Variants in PLD5 observed in about 807,000 individuals in gnomAD.
The protein encoded by PLD5 is inactive phospholipase D5.
Under a neutral mutation model 61.1 loss-of-function variants are expected in PLD5, and 36 were observed. The observed-to-expected ratio is 0.59, with a 90% CI of 0.45 to 0.78. PLD5 has a LOEUF of 0.78. Ranked by LOEUF, PLD5 falls within the 30% of genes least tolerant of loss-of-function variation. PLD5 has a pLI of 0.00. For synonymous variants in PLD5, 243 were observed against 242.8 expected, an observed-to-expected ratio of 1.00 and a Z score of -0.01; for missense variants, 515 against 644.4, an observed-to-expected ratio of 0.80 and a Z score of 2.17.
intron 5 of PLD5, among the ~76,000 whole-genome samples, chr1:242,214,347 G>C (rs1670009589): frequency 6.6e-6 from 1 of 152,106 alleles, no homozygotes. Context: ...TAGTGATTCT[G>C]CTTACTCTGT....
At chr1:242,253,414 C>T (rs867856878) in intron 4 of PLD5, among the ~76,000 whole-genome samples, 13 of 150,066 alleles carry the variant, frequency 8.7e-5, no homozygotes, top group African/African-American at 1.2e-4. Flanking sequence ...CTGGGGTTCA[C>T]GCCATTCTCC....
chr1:242,142,883 T>C (rs1664279107), intron 5 of PLD5, among the ~76,000 whole-genome samples: 1 of 145,442 alleles, frequency 6.9e-6, no homozygotes, highest in Admixed American at 6.8e-5. Context: ...CCCACCACCA[T>C]GTTGGCTGAT....
intron 1 of PLD5, among the ~76,000 whole-genome samples, chr1:242,515,676 C>A (rs1177774745): frequency 3.3e-5 from 5 of 152,306 alleles, no homozygotes; most frequent in Non-Finnish European, 7.3e-5. Context: ...TATGGATAGA[C>A]TACAATACAT....
chr1:242,460,905 C>T (rs561484013), intron 1 of PLD5, among the ~76,000 whole-genome samples: 264 of 151,518 alleles, frequency 1.7e-3, no homozygotes, highest in African/African-American at 6.2e-3. Context: ...TTTGTGAGGC[C>T]AAGGTGAGTG....
intron 1 of PLD5, among the ~76,000 whole-genome samples, chr1:242,382,008 G>A (rs375272833): frequency 1.3e-5 from 2 of 152,074 alleles, no homozygotes; most frequent in Non-Finnish European, 2.9e-5. Context: ...ATTTGTCTTG[G>A]AGTTAGAACT....
chr1:242,454,984 A>T (rs1388861553), intron 1 of PLD5, among the ~76,000 whole-genome samples: 1 of 152,194 alleles, frequency 6.6e-6, no homozygotes, highest in East Asian at 1.9e-4. Context: ...CAATCAGGGT[A>T]TAGTTCTCCA....
At chr1:242,207,810 T>TTATATTTATATATTTATA (rs1558343778) in intron 5 of PLD5, among the ~76,000 whole-genome samples, 1 of 37,564 alleles carries the variant, frequency 2.7e-5, no homozygotes, top group Non-Finnish European at 4.8e-5. Flanking sequence ...TTATATATAT[T>TTATATTTATATATTTATA]TATATTTATA....
intron 1 of PLD5, among the ~76,000 whole-genome samples, chr1:242,444,493 G>A (rs1666415755): frequency 6.6e-6 from 1 of 151,220 alleles, no homozygotes; most frequent in Non-Finnish European, 1.5e-5. Context: ...TATCTAATTT[G>A]TCCTCACTCA....
At chr1:242,381,768 A>G (rs1662292087) in intron 1 of PLD5, among the ~76,000 whole-genome samples, 5 of 152,146 alleles carry the variant, frequency 3.3e-5, no homozygotes. Context: ...GCCTCCCTCA[A>G]ACAGCTTCCC....
rs151129563 is a variant in PLD5, at chr1:242,286,533, G to A, written c.495+1829C>T. Among the ~76,000 whole-genome samples the A allele has an allele frequency of 2.6e-3, 390 of 152,126 alleles. 15 individuals carry two copies. The East Asian group carries it at 0.058, about 23-fold the overall frequency. ...GACCTGAATAAACACACTTAATGAA[G>A]TGATCCTATCTCCCACTGGTTTTAT... is the stretch of plus-strand genomic sequence containing the variant. On this transcript the variant is annotated intron_variant, in intron 3 of 9. Transcript: ENST00000536534.
At chr1:242,407,213 G>A (rs749017167) in intron 1 of PLD5, among the ~76,000 whole-genome samples, 2 of 152,094 alleles carry the variant, frequency 1.3e-5, no homozygotes, top group African/African-American at 2.4e-5. Context: ...CATGTAAGAC[G>A]TGACTTTGCT....
intron 1 of PLD5, among the ~76,000 whole-genome samples, chr1:242,422,219 C>T (rs1665182630): frequency 6.6e-6 from 1 of 151,886 alleles, no homozygotes; most frequent in African/African-American, 2.4e-5. Context: ...GGAGGGAGGG[C>T]AGGAGGAGAA....
At chr1:242,151,446 C>A (rs1003840872) in intron 5 of PLD5, among the ~76,000 whole-genome samples, 1 of 151,984 alleles carries the variant, frequency 6.6e-6, no homozygotes, top group South Asian at 2.1e-4. Flanking sequence ...GGGGTGGACA[C>A]GGAGTTTTTT....
chr1:242,458,292 A>T (rs1190702749), intron 1 of PLD5, among the ~76,000 whole-genome samples: 1 of 152,238 alleles, frequency 6.6e-6, no homozygotes, highest in African/African-American at 2.4e-5. Context: ...AATTCTTCTC[A>T]CTACACCATT....
intron 2 of PLD5, among the ~76,000 whole-genome samples, chr1:242,337,313 G>A (rs1231257221): frequency 5.1e-5 from 1 of 19,698 alleles, no homozygotes; most frequent in African/African-American, 9.8e-5. Flanking sequence ...GGATGCTATT[G>A]GCCTTTGAGA....
At chr1:242,266,844 C>T (rs567225992) in intron 3 of PLD5, among the ~76,000 whole-genome samples, 3 of 152,238 alleles carry the variant, frequency 2.0e-5, no homozygotes, top group African/African-American at 7.2e-5. Context: ...TGGCCGGGTG[C>T]GTAGCCTCAC....
rs570119064 is a variant in PLD5, at chr1:242,247,150, A to AT, written c.607+18186dup. Among the ~76,000 whole-genome samples, 1,233 of 151,920 alleles carry AT rather than the reference A, an allele frequency of 8.1e-3. 11 individuals are homozygous for AT. The highest frequency in any genetic ancestry group is 0.025 in the African/African-American group (1,035 of 41,340). ...AGGCGCCCGCCACCATGCCCGGCTA[A>AT]TTTTTGTATTTTTAGTAGAGACGGG... On this transcript the variant is annotated intron_variant, in intron 4 of 9. Transcript: ENST00000536534.
intron 1 of PLD5, among the ~76,000 whole-genome samples, chr1:242,474,094 G>A (rs1331985956): frequency 6.6e-6 from 1 of 152,180 alleles, no homozygotes; most frequent in Non-Finnish European, 1.5e-5. Flanking sequence ...TCCAGAATTA[G>A]CATCTCCAAG....
intron 1 of PLD5, among the ~76,000 whole-genome samples, chr1:242,429,580 C>T (rs1243122383): frequency 6.6e-6 from 1 of 152,142 alleles, no homozygotes; most frequent in Non-Finnish European, 1.5e-5. Flanking sequence ...ATCAACATGG[C>T]TGCAGCTATC....
Sources: allele counts gnomAD v4.1 joint callset (sites outside exome capture counted in the v4.1 genomes callset), GRCh38; gene constraint gnomAD v4.1.1; transcripts MANE v1.5; gene names NCBI Gene and HGNC (gene_info 2026-07-23, HGNC 2026-07-21).